Variants in AOAH observed in about 807,000 individuals in gnomAD.
The protein encoded by AOAH is acyloxyacyl hydrolase.
AOAH carries 64 observed loss-of-function variants against 92.2 expected under a neutral mutation model. That is an observed-to-expected ratio of 0.69 (90% CI 0.57 to 0.86). The LOEUF (loss-of-function observed/expected upper bound fraction) is 0.86, where lower values mean the gene tolerates loss of function less well. Among genes scored for constraint, AOAH ranks in the 40% least tolerant of loss-of-function variants. The pLI is 0.00. For synonymous variants in AOAH, 263 were observed against 254.5 expected (o/e 1.03, Z -0.32); for missense variants, 656 against 694.6 (o/e 0.94, Z 0.62).
chr7:36,569,300 C>A (rs1787931250), intron 13 of AOAH, among the ~76,000 whole-genome samples: 1 of 152,230 alleles, frequency 6.6e-6, no homozygotes, highest in African/African-American at 2.4e-5. Context: ...TGAGGAAAGT[C>A]TTGTCTGGAA....
chr7:36,521,953 A>C, intron 20 of AOAH, 86 bp downstream of exon 20: 4 of 1,163,274 alleles, frequency 3.4e-6, no homozygotes, highest in Non-Finnish European at 5.1e-6. Context: ...AAACAGGATA[A>C]AAATAAACAC....
At chr7:36,590,684 C>A (rs939622644) in intron 12 of AOAH, among the ~76,000 whole-genome samples, 1 of 152,190 alleles carries the variant, frequency 6.6e-6, no homozygotes, top group South Asian at 2.1e-4. Context: ...TGGTAGGAAG[C>A]GCATTCTGGA....
intron 4 of AOAH, among the ~76,000 whole-genome samples, chr7:36,650,387 G>A (rs1165395619): frequency 6.6e-6 from 1 of 152,138 alleles, no homozygotes; most frequent in Non-Finnish European, 1.5e-5. Context: ...ATCAAGGAAT[G>A]GTTGGGGAAA....
At chr7:36,587,729 C>A (rs1262083876) in intron 12 of AOAH, among the ~76,000 whole-genome samples, 1 of 152,144 alleles carries the variant, frequency 6.6e-6, no homozygotes. Flanking sequence ...GCAAAGTTTT[C>A]AAAATTCAAA....
intron 11 of AOAH, among the ~76,000 whole-genome samples, chr7:36,611,940 T>C (rs1445672630): frequency 6.6e-6 from 1 of 152,218 alleles, no homozygotes; most frequent in East Asian, 1.9e-4. Context: ...CACCTGTTAG[T>C]TGTATGACCT....
At chr7:36,522,980 A>G (rs957021097) in intron 19 of AOAH, among the ~76,000 whole-genome samples, 1 of 152,196 alleles carries the variant, frequency 6.6e-6, no homozygotes, top group Non-Finnish European at 1.5e-5. Flanking sequence ...AAATTCTGTC[A>G]GGGGCTTTGA....
At chr7:36,703,608 T>C (rs911046738) in intron 1 of AOAH, among the ~76,000 whole-genome samples, 3 of 152,102 alleles carry the variant, frequency 2.0e-5, no homozygotes, top group African/African-American at 2.4e-5. Flanking sequence ...TGTGTTCTCA[T>C]TGTTCAACTC....
chr7:36,632,079 A>G lies in AOAH; in HGVS notation c.478T>C (p.Cys160Arg). Residue 160 changes from cysteine (C) to arginine (R), a missense_variant, in exon 6 of 21, where the codon TGT (cysteine) becomes CGT (arginine). Physicochemically the swap from Cys to Arg is radical, Grantham distance 180. Transcript: ENST00000617537. ...ATCTTGGCCAAAACCGGGAGTGAAC[A>G]AATGTCAGAACCACTTCTAGAATAT... ...LKYSRSGSDI[C>R]SLPVLAKICQ... 1 of 1,613,256 alleles carries G rather than the reference A, an allele frequency of 6.2e-7. No homozygotes were observed. The highest frequency in any genetic ancestry group is 8.5e-7 in the Non-Finnish European group (1 of 1,179,644).
intron 16 of AOAH, among the ~76,000 whole-genome samples, chr7:36,533,923 G>A (rs1034766105): frequency 9.9e-5 from 15 of 152,122 alleles, no homozygotes; most frequent in Non-Finnish European, 2.2e-4. Context: ...GTGCCATCTT[G>A]TCGCTATGTT....
chr7:36,657,815 C>T (rs1418304596), intron 4 of AOAH, among the ~76,000 whole-genome samples: 1 of 152,152 alleles, frequency 6.6e-6, no homozygotes, highest in Non-Finnish European at 1.5e-5. Flanking sequence ...CAGAAGTAAA[C>T]TCTAGAGAGT....
At chr7:36,667,595 CAT>C (rs911010483) in intron 3 of AOAH, among the ~76,000 whole-genome samples, 48 of 152,272 alleles carry the variant, frequency 3.2e-4, no homozygotes, top group Admixed American at 1.3e-3. Flanking sequence ...GGAAGATTAC[CAT>C]ATGTCTTTAC....
chr7:36,660,448 TG>T (rs1224895139), intron 3 of AOAH, among the ~76,000 whole-genome samples: 1 of 152,190 alleles, frequency 6.6e-6, no homozygotes, highest in Non-Finnish European at 1.5e-5. Context: ...CCCCAGCAGC[TG>T]GGATTATAGG....
intron 1 of AOAH, among the ~76,000 whole-genome samples, chr7:36,693,392 A>G (rs906606385): frequency 5.3e-5 from 8 of 152,196 alleles, no homozygotes; most frequent in African/African-American, 1.9e-4. Context: ...CATCCACTTA[A>G]AAATGAGACT....
At chr7:36,643,834 T>C (rs1352099374) in intron 4 of AOAH, among the ~76,000 whole-genome samples, 1 of 152,064 alleles carries the variant, frequency 6.6e-6, no homozygotes, top group Non-Finnish European at 1.5e-5. Context: ...CTTTGCTCTC[T>C]CTTCCTCCTG....
chr7:36,648,819 T>C (rs1214677961), intron 4 of AOAH, among the ~76,000 whole-genome samples: 1 of 152,164 alleles, frequency 6.6e-6, no homozygotes, highest in Non-Finnish European at 1.5e-5. Context: ...CTCAAATGCA[T>C]TGGGATATAT....
At chr7:36,655,375 C>A (rs1794819797) in intron 4 of AOAH, among the ~76,000 whole-genome samples, 1 of 151,906 alleles carries the variant, frequency 6.6e-6, no homozygotes, top group Non-Finnish European at 1.5e-5. Context: ...GAGAAGGTGA[C>A]CATTGACATG....
chr7:36,562,762 G>C (rs974433153), intron 13 of AOAH, among the ~76,000 whole-genome samples: 2 of 152,126 alleles, frequency 1.3e-5, no homozygotes, highest in Non-Finnish European at 2.9e-5. Context: ...ATTTGGTCCT[G>C]TAGCCAGAAA....
At chr7:36,617,362 T>C (rs1289328371) in intron 10 of AOAH, among the ~76,000 whole-genome samples, 4 of 152,276 alleles carry the variant, frequency 2.6e-5, no homozygotes, top group African/African-American at 9.6e-5. Flanking sequence ...ATTGGTTTAG[T>C]TGTTCATTCA....
chr7:36,658,995 A>G (rs1009215747), intron 4 of AOAH, among the ~76,000 whole-genome samples, 171 bp downstream of exon 4: 1 of 152,224 alleles, frequency 6.6e-6, no homozygotes, highest in Non-Finnish European at 1.5e-5. Context: ...GGTAGTATGG[A>G]TCTAGGCCAA....
Sources: allele counts gnomAD v4.1 joint callset (sites outside exome capture counted in the v4.1 genomes callset), GRCh38; gene constraint gnomAD v4.1.1; transcripts MANE v1.5; gene names NCBI Gene and HGNC (gene_info 2026-07-23, HGNC 2026-07-21).